The following RAB27A variants were observed in gnomAD, a reference collection of about 807,000 sequenced individuals.
RAB27A encodes RAB27A, member RAS oncogene family, also known as ras-related protein Rab-27A.
Under a neutral mutation model 20.8 loss-of-function variants are expected in RAB27A, and 17 were observed. The ratio of observed to expected loss-of-function variants is 0.82; its 90% CI spans 0.56 to 1.23. The LOEUF is 1.23. Among genes scored for constraint, RAB27A ranks in the 50% most tolerant of loss-of-function variants. The pLI, the probability that RAB27A is intolerant of heterozygous loss-of-function variation, is 0.00. For missense variants in RAB27A, 277 were observed against 266.7 expected (o/e 1.04, Z -0.27); for synonymous variants, 85 against 92.8 (o/e 0.92, Z 0.48).
intron 2 of RAB27A, among the ~76,000 whole-genome samples, chr15:55,299,839 G>C (rs75004826): frequency 1.7e-5 from 2 of 116,590 alleles, no homozygotes; most frequent in South Asian, 2.6e-4. Context: ...TTTTTTTTTT[G>C]AGATGGAGTC....
intron 2 of RAB27A, among the ~76,000 whole-genome samples, chr15:55,260,561 A>G (rs1374712444): frequency 1.3e-5 from 2 of 152,252 alleles, no homozygotes; most frequent in Non-Finnish European, 2.9e-5. Flanking sequence ...AGATGAATGG[A>G]TAAATAAACT....
intron 6 of RAB27A, among the ~76,000 whole-genome samples, chr15:55,206,640 C>T (rs1411311963): frequency 6.6e-6 from 1 of 152,098 alleles, no homozygotes; most frequent in African/African-American, 2.4e-5. Context: ...CTGCACCCAG[C>T]CTAGTTTTAA....
intron 6 of RAB27A, among the ~76,000 whole-genome samples, chr15:55,211,839 T>C (rs1431631388): frequency 6.6e-6 from 1 of 152,176 alleles, no homozygotes; most frequent in Non-Finnish European, 1.5e-5. Flanking sequence ...AGGAAATGTC[T>C]TCTCAGTGTT....
At chr15:55,205,813 GACAA>G (rs1481683653) in intron 6 of RAB27A, 108 bp from the exon 7 acceptor site, 2 of 1,064,506 alleles carry the variant, frequency 1.9e-6, no homozygotes, top group East Asian at 4.8e-5. Flanking sequence ...TATACAAGAT[GACAA>G]ACATTTTACC....
At chr15:55,296,765 C>T (rs1014791755) in intron 2 of RAB27A, among the ~76,000 whole-genome samples, 6 of 152,000 alleles carry the variant, frequency 3.9e-5, no homozygotes, top group African/African-American at 1.2e-4. Flanking sequence ...TATTCCCTAC[C>T]GCCGGTCCCA....
intron 2 of RAB27A, among the ~76,000 whole-genome samples, chr15:55,301,251 C>G (rs1365523365): frequency 6.6e-6 from 1 of 152,158 alleles, no homozygotes; most frequent in Non-Finnish European, 1.5e-5. Flanking sequence ...AACTACCACG[C>G]TCGGCTAATT....
chr15:55,289,565 A>G (rs1898253870), intron 1 of RAB27A, among the ~76,000 whole-genome samples, 151 bp downstream of exon 1: 1 of 151,320 alleles, frequency 6.6e-6, no homozygotes, highest in Admixed American at 6.6e-5. Flanking sequence ...GAGAGAAGCC[A>G]CTCTTCAGGC....
chr15:55,310,970 G>C (rs2055017867), intron 2 of RAB27A, among the ~76,000 whole-genome samples: 1 of 152,172 alleles, frequency 6.6e-6, no homozygotes, highest in South Asian at 2.1e-4. Context: ...CTTCTTCCTA[G>C]TTTTCCTTAG....
At chr15:55,265,651 A>G (rs1290536381) in intron 2 of RAB27A, among the ~76,000 whole-genome samples, 1 of 151,664 alleles carries the variant, frequency 6.6e-6, no homozygotes, top group Non-Finnish European at 1.5e-5. Context: ...AAAAAAAAAA[A>G]GACCAGGTTT....
At position 55,205,639 on chromosome 15, in the gene RAB27A, CAG is replaced by C. The variant is rs770547896; in HGVS notation, c.532_533del (p.Leu178GlyfsTer18). The C allele has an allele frequency of 3.1e-6, 5 of 1,614,082 alleles. No homozygotes were observed. The highest frequency in any genetic ancestry group is 4.2e-6 in the Non-Finnish European group (5 of 1,179,958). On this transcript the variant is annotated frameshift_variant, in exon 7 of 7. Coordinates refer to ENST00000336787, the MANE Select transcript of RAB27A (RefSeq NM_183235.3). LOFTEE classifies it high-confidence loss of function. ...TNISQAIEML[L>X]DLIMKRMERC... ...GTTCCATTCGCTTCATTATCAGGTC[CAG>C]AAGCATCTCAATTGCTTGGCTTATG...
intron 3 of RAB27A, among the ~76,000 whole-genome samples, chr15:55,231,249 T>C (rs991089611): frequency 6.6e-6 from 1 of 152,210 alleles, no homozygotes; most frequent in Admixed American, 6.5e-5. Flanking sequence ...TTCCATGACT[T>C]TGCTATTGTG....
chr15:55,209,965 CGTAT>C lies in RAB27A; in HGVS notation c.468-4264_468-4261del, dbSNP rs1421380491. Among the ~76,000 whole-genome samples, 6 of 105,708 alleles carry C rather than the reference CGTAT, an allele frequency of 5.7e-5. No individual in the cohort carries two copies. In the East Asian group the frequency reaches 1.2e-3, roughly 22 times the overall value. The allele number at this position is 105,708 out of a possible 152,430, so 69.3% of individuals were successfully genotyped here. A position where few individuals can be genotyped will look rare whatever the true frequency, so the allele number is the denominator to read the frequency against. ...ATGTACACACATACGCATATATGTG[CGTAT>C]GTGTGTACATGTACATATATACGCA... is the stretch of plus-strand genomic sequence containing the variant. On this transcript the variant is annotated intron_variant, in intron 6 of 6. Transcript: ENST00000336787.
At chr15:55,232,414 G>A (rs1896067669) in intron 3 of RAB27A, among the ~76,000 whole-genome samples, 1 of 152,148 alleles carries the variant, frequency 6.6e-6, no homozygotes, top group South Asian at 2.1e-4. Flanking sequence ...TAAATGTCCA[G>A]TTTTCAGCAA....
upstream of RAB27A, among the ~76,000 whole-genome samples, chr15:55,293,093 C>A (rs1466372735): frequency 6.6e-6 from 1 of 152,182 alleles, no homozygotes; most frequent in South Asian, 2.1e-4. Context: ...GCTTCCCACA[C>A]TGGGGCTTTT....
upstream of RAB27A, among the ~76,000 whole-genome samples, chr15:55,294,589 G>GA (rs1181179911): frequency 0.17 from 4,642 of 27,994 alleles, 271 homozygotes; most frequent in East Asian, 0.47. Flanking sequence ...CCCTGTCTCC[G>GA]AAAAAAAAAA....
Position 55,305,577 on chromosome 15 carries a change from C to T in RAB27A, c.-112+8462G>A, listed in dbSNP as rs1213878770. ...CCAGAGCATCCATTGGCTGAGGAGG[C>T]CCCAAGTCCGGTGTTTTGAAGCTCC... On this transcript the variant is annotated intron_variant, in intron 2 of 5. Transcript: ENST00000563262. Among the ~76,000 whole-genome samples, 5 of 152,296 alleles carry T rather than the reference C, an allele frequency of 3.3e-5. No individual in the cohort carries two copies. The East Asian group carries it at 7.7e-4, about 24-fold the overall frequency.
chr15:55,301,965 C>T (rs60436745), intron 2 of RAB27A, among the ~76,000 whole-genome samples: 4,339 of 151,878 alleles, frequency 0.029, 210 homozygotes, highest in African/African-American at 0.099. Flanking sequence ...AAAAATAATC[C>T]CCACGGCCGG....
chr15:55,262,588 G>C (rs938473890), intron 2 of RAB27A, among the ~76,000 whole-genome samples: 1 of 150,106 alleles, frequency 6.7e-6, no homozygotes, highest in African/African-American at 2.4e-5. Context: ...CAAAAAAACA[G>C]TGAATAGACA....
At chr15:55,302,723 G>A (rs1355735061) in intron 2 of RAB27A, among the ~76,000 whole-genome samples, 5 of 118,740 alleles carry the variant, frequency 4.2e-5, no homozygotes, top group East Asian at 6.4e-4. Context: ...CCTCTGCCCC[G>A]CCGCCCCATC....
Sources: gnomAD v4.1 joint callset for allele counts (sites outside exome capture counted in the v4.1 genomes callset) on GRCh38, gnomAD v4.1.1 for gene constraint, MANE v1.5 for transcripts, NCBI Gene and HGNC (gene_info 2026-07-23, HGNC 2026-07-21) for gene names.